The following ROR1 variants were observed in gnomAD, a reference collection of about 807,000 sequenced individuals.
ROR1 encodes ROR family WNT receptor 1.
ROR1 carries 19 observed loss-of-function variants against 78.8 expected under a neutral mutation model. The observed-to-expected ratio is 0.24, with a 90% confidence interval of 0.17 to 0.35. The LOEUF (loss-of-function observed/expected upper bound fraction) is 0.35. Among genes scored for constraint, ROR1 ranks in the 10% least tolerant of loss-of-function variants. The pLI, the probability that ROR1 is intolerant of heterozygous loss-of-function variation, is 1.00. For synonymous variants in ROR1, 386 were observed against 433.6 expected, an observed-to-expected ratio of 0.89 and a Z score of 1.36; for missense variants, 917 against 1,177.8, an observed-to-expected ratio of 0.78 and a Z score of 3.24.
At position 64,127,595 on chromosome 1, in the gene ROR1, G is replaced by A. The variant is rs549962549; in HGVS notation, c.483-9774G>A. On this transcript the variant is annotated intron_variant, in intron 4 of 8. Coordinates refer to ENST00000371079, the MANE Select transcript of ROR1 (RefSeq NM_005012.4). ...CTCTTTCTCTGTCTCCTCTCTCTTG[G>A]TTGCTTCTGGTTTGGGGCAATGTAG... Among the ~76,000 whole-genome samples the A allele has an allele frequency of 2.1e-3, 319 of 151,662 alleles. 6 individuals carry two copies. The South Asian group carries it at 0.031, about 15-fold the overall frequency.
chr1:63,954,997 T>TG (rs1448747147), intron 1 of ROR1, among the ~76,000 whole-genome samples: 1 of 152,156 alleles, frequency 6.6e-6, no homozygotes, highest in Non-Finnish European at 1.5e-5. Context: ...GATGGAGCAG[T>TG]GGTTAGCTGT....
intron 4 of ROR1, among the ~76,000 whole-genome samples, chr1:64,130,044 AG>A (rs1282736244): frequency 1.3e-5 from 2 of 152,186 alleles, no homozygotes; most frequent in African/African-American, 4.8e-5. Flanking sequence ...AAAGAAAAAA[AG>A]GTGGTATGAA....
chr1:63,780,484 G>A (rs376307756), intron 1 of ROR1, among the ~76,000 whole-genome samples: 65 of 152,220 alleles, frequency 4.3e-4, no homozygotes, highest in African/African-American at 1.4e-3. Flanking sequence ...AACTTATAGC[G>A]CCTAACACAG....
chr1:63,902,771 A>G (rs1310555011), intron 1 of ROR1, among the ~76,000 whole-genome samples: 1 of 152,172 alleles, frequency 6.6e-6, no homozygotes, highest in Non-Finnish European at 1.5e-5. Context: ...CTCTCATGTA[A>G]TGAAAACAGG....
chr1:63,803,135 A>C (rs1282764725), intron 1 of ROR1, among the ~76,000 whole-genome samples: 1 of 152,222 alleles, frequency 6.6e-6, no homozygotes, highest in Non-Finnish European at 1.5e-5. Context: ...AACTTTAAGA[A>C]GAATATTGTA....
chr1:63,968,628 G>T (rs1246132570), intron 1 of ROR1, among the ~76,000 whole-genome samples: 3 of 152,146 alleles, frequency 2.0e-5, no homozygotes, highest in South Asian at 2.1e-4. Context: ...ACAGTGAGAT[G>T]GATCAAACTA....
intron 1 of ROR1, among the ~76,000 whole-genome samples, chr1:63,798,866 C>T (rs559917643): frequency 3.7e-4 from 57 of 152,084 alleles, no homozygotes; most frequent in African/African-American, 1.3e-3. Context: ...CTCTGGACTA[C>T]TTTGAAAAAA....
intron 1 of ROR1, among the ~76,000 whole-genome samples, chr1:64,001,588 A>T (rs1010078696): frequency 2.1e-5 from 3 of 142,726 alleles, no homozygotes; most frequent in African/African-American, 9.2e-5. Flanking sequence ...GTCTTTACAC[A>T]GCTTTTGATG....
chr1:63,792,645 G>GATCCA (rs1557498941), intron 1 of ROR1, among the ~76,000 whole-genome samples: 3 of 152,212 alleles, frequency 2.0e-5, no homozygotes, highest in South Asian at 4.1e-4. Context: ...TTAAGTGAGA[G>GATCCA]ATCCAAGTGA....
At chr1:64,027,490 T>C (rs1283338383) in intron 2 of ROR1, among the ~76,000 whole-genome samples, 1 of 152,232 alleles carries the variant, frequency 6.6e-6, no homozygotes, top group Non-Finnish European at 1.5e-5. Flanking sequence ...TTGCGGTTTT[T>C]ACCATTCACT....
At chr1:63,877,123 A>C (rs911628355) in intron 1 of ROR1, among the ~76,000 whole-genome samples, 3 of 152,016 alleles carry the variant, frequency 2.0e-5, no homozygotes, top group Non-Finnish European at 4.4e-5. Flanking sequence ...TTCCCCTTAC[A>C]TGCTTGGTTT....
chr1:63,955,866 C>T (rs1569970094), intron 1 of ROR1, among the ~76,000 whole-genome samples: 2 of 152,208 alleles, frequency 1.3e-5, no homozygotes, highest in Non-Finnish European at 2.9e-5. Flanking sequence ...GCTAGAAGGC[C>T]TCTGAGCCTA....
At position 63,779,212 on chromosome 1, in the gene ROR1, A is replaced by G. The variant is rs577947897; in HGVS notation, c.91+4704A>G. On this transcript the variant is annotated intron_variant, in intron 1 of 8. Coordinates refer to ENST00000371079, the MANE Select transcript of ROR1 (RefSeq NM_005012.4). The stretch of plus-strand genomic sequence containing the variant: ...GCTCGCCAGTTTTTTCCAACTATCA[A>G]TAAGCTATATTTTGATGAAGTGACT... Among the ~76,000 whole-genome samples the G allele has an allele frequency of 3.7e-4, 57 of 152,298 alleles. 1 individual carries two copies. The highest frequency in any genetic ancestry group is 5.4e-4 in the Non-Finnish European group (37 of 68,032).
At chr1:64,100,169 A>T (rs1359299) in intron 4 of ROR1, among the ~76,000 whole-genome samples, 58,537 of 151,700 alleles carry the variant, frequency 0.39, 12,634 homozygotes, top group Non-Finnish European at 0.5. Context: ...AGTTGACTTT[A>T]TTGATTTGGT....
chr1:64,162,395 C>T (rs1004105617), intron 8 of ROR1, among the ~76,000 whole-genome samples: 6 of 152,286 alleles, frequency 3.9e-5, no homozygotes, highest in African/African-American at 1.4e-4. Flanking sequence ...GCTGACGAGG[C>T]CCGGCTTGGG....
chr1:63,868,019 C>T (rs530464882), intron 1 of ROR1, among the ~76,000 whole-genome samples: 52 of 152,284 alleles, frequency 3.4e-4, no homozygotes, highest in African/African-American at 1.1e-3. Flanking sequence ...AGATCCCAGG[C>T]GTGGCTGGAG....
intron 1 of ROR1, among the ~76,000 whole-genome samples, chr1:63,848,796 C>T (rs11208304): frequency 0.21 from 32,219 of 151,982 alleles, 3,622 homozygotes; most frequent in Middle Eastern, 0.26. Context: ...AGTTTGAAAT[C>T]GTGGTTATCA....
intron 1 of ROR1, among the ~76,000 whole-genome samples, chr1:63,806,609 G>A (rs768712282): frequency 9.2e-5 from 14 of 152,152 alleles, no homozygotes; most frequent in Non-Finnish European, 1.3e-4. Context: ...GAGCCACCGC[G>A]CCTGGCCCAG....
At chr1:64,039,941 C>T (rs774334044) in intron 2 of ROR1, among the ~76,000 whole-genome samples, 23 of 152,226 alleles carry the variant, frequency 1.5e-4, no homozygotes, top group Non-Finnish European at 2.1e-4. Flanking sequence ...GCTTAAGCCC[C>T]GGGGTCAGAA....
Sources: allele counts gnomAD v4.1 joint callset (sites outside exome capture counted in the v4.1 genomes callset), GRCh38; gene constraint gnomAD v4.1.1; transcripts MANE v1.5; gene names NCBI Gene and HGNC (gene_info 2026-07-23, HGNC 2026-07-21).